The following GRID2 variants were observed in gnomAD, a reference collection of about 807,000 sequenced individuals.
GRID2 encodes glutamate ionotropic receptor delta type subunit 2.
A neutral mutation model predicts 114.8 loss-of-function variants in GRID2; 33 were observed. The observed-to-expected ratio is 0.29, with a 90% confidence interval of 0.22 to 0.38. The LOEUF is 0.38. Ranked by LOEUF, GRID2 falls within the 10% of genes least tolerant of loss-of-function variation. GRID2 has a pLI of 1.00. For missense variants in GRID2, 1,184 were observed against 1,257.7 expected, an observed-to-expected ratio of 0.94 and a Z score of 0.89; for synonymous variants, 505 against 449.9, an observed-to-expected ratio of 1.12 and a Z score of -1.55.
intron 8 of GRID2, among the ~76,000 whole-genome samples, chr4:93,313,581 C>T (rs573808576): frequency 1.0e-3 from 158 of 152,262 alleles, no homozygotes; most frequent in Non-Finnish European, 2.1e-3. Flanking sequence ...CAGAGACTTC[C>T]AACACATTAC....
chr4:92,618,905 T>C (rs1344754766), intron 2 of GRID2, among the ~76,000 whole-genome samples: 1 of 151,820 alleles, frequency 6.6e-6, no homozygotes, highest in Non-Finnish European at 1.5e-5. Flanking sequence ...TGAATTTGTT[T>C]AGCAGTTCTG....
intron 7 of GRID2, among the ~76,000 whole-genome samples, chr4:93,231,128 G>T (rs893083735): frequency 6.6e-6 from 1 of 151,946 alleles, no homozygotes; most frequent in African/African-American, 2.4e-5. Flanking sequence ...AAATCAATTT[G>T]CCCAGTGCAG....
At chr4:92,822,529 A>C (rs1433906040) in intron 2 of GRID2, 2 of 326,152 alleles carry the variant, frequency 6.1e-6, no homozygotes, top group African/African-American at 2.2e-5. Flanking sequence ...ACTCAGGGTT[A>C]TAACCATAAC....
At chr4:93,226,137 C>A (rs1745455183) in intron 7 of GRID2, among the ~76,000 whole-genome samples, 1 of 152,118 alleles carries the variant, frequency 6.6e-6, no homozygotes, top group African/African-American at 2.4e-5. Flanking sequence ...TCCTTTGACC[C>A]CCAATATTCA....
At chr4:92,895,974 C>T (rs909122126) in intron 2 of GRID2, among the ~76,000 whole-genome samples, 2 of 151,988 alleles carry the variant, frequency 1.3e-5, no homozygotes, top group East Asian at 3.9e-4. Context: ...ATTTACATAA[C>T]AGAAAAATGA....
In GRID2 at chr4:93,670,767, A is replaced by G. The variant is rs553811339; in HGVS notation, c.2360+44332A>G. Among the ~76,000 whole-genome samples the G allele has an allele frequency of 4.6e-5, 7 of 152,268 alleles. No homozygotes were observed. In the East Asian group the frequency reaches 5.8e-4, roughly 13 times the overall value. On this transcript the variant is annotated intron_variant, in intron 14 of 15. Coordinates refer to ENST00000282020, the MANE Select transcript of GRID2 (RefSeq NM_001510.4). ...TGTTAGTGACATGGTTGTTTTCCAC[A>G]TAGATTTATTTTAAAAAAGAACCCA...
chr4:92,382,758 T>C (rs1729682231), intron 1 of GRID2, among the ~76,000 whole-genome samples: 1 of 152,008 alleles, frequency 6.6e-6, no homozygotes, highest in African/African-American at 2.4e-5. Context: ...ATATTTTATG[T>C]GTAGAAAATA....
chr4:92,756,905 C>G (rs898055823), intron 2 of GRID2, among the ~76,000 whole-genome samples: 3 of 151,886 alleles, frequency 2.0e-5, no homozygotes, highest in African/African-American at 7.2e-5. Flanking sequence ...AACAGTTTGT[C>G]TCTTTATTAT....
chr4:92,994,863 A>AC (rs1755106305), intron 2 of GRID2, among the ~76,000 whole-genome samples: 1 of 152,198 alleles, frequency 6.6e-6, no homozygotes. Context: ...AACCTATGCT[A>AC]CAGTGTATGT....
At chr4:93,416,215 C>A (rs556441811) in intron 9 of GRID2, among the ~76,000 whole-genome samples, 1 of 151,874 alleles carries the variant, frequency 6.6e-6, no homozygotes, top group Non-Finnish European at 1.5e-5. Context: ...ATACCATTGG[C>A]CTTCCTAACT....
At chr4:92,315,886 C>T (rs562250803) in intron 1 of GRID2, among the ~76,000 whole-genome samples, 4 of 149,732 alleles carry the variant, frequency 2.7e-5, no homozygotes, top group East Asian at 4.0e-4. Flanking sequence ...AGGAGAATTG[C>T]TTGAACCCAG....
At chr4:93,144,829 A>G (rs1322734686) in intron 4 of GRID2, among the ~76,000 whole-genome samples, 1 of 152,172 alleles carries the variant, frequency 6.6e-6, no homozygotes, top group African/African-American at 2.4e-5. Flanking sequence ...GTCCAAAATG[A>G]TACATTTGCT....
At chr4:93,483,881 T>C (rs1207205373) in intron 11 of GRID2, among the ~76,000 whole-genome samples, 1 of 151,892 alleles carries the variant, frequency 6.6e-6, no homozygotes, top group Non-Finnish European at 1.5e-5. Context: ...CTCTGAAGTG[T>C]CATGAAGTAT....
intron 2 of GRID2, among the ~76,000 whole-genome samples, chr4:92,843,829 GA>G: frequency 6.6e-6 from 1 of 152,116 alleles, no homozygotes; most frequent in African/African-American, 2.4e-5. Context: ...TGTAGAATCT[GA>G]AATCATATCA....
At chr4:93,453,593 T>A (rs916480101) in intron 10 of GRID2, among the ~76,000 whole-genome samples, 1 of 152,138 alleles carries the variant, frequency 6.6e-6, no homozygotes, top group African/African-American at 2.4e-5. Flanking sequence ...TTATTCTATT[T>A]TAAAAATTCA....
At chr4:93,503,819 G>A (rs1301165445) in intron 12 of GRID2, among the ~76,000 whole-genome samples, 2 of 151,956 alleles carry the variant, frequency 1.3e-5, no homozygotes, top group Non-Finnish European at 2.9e-5. Context: ...AATAAACAAG[G>A]TGTGAGATAA....
At chr4:93,052,688 T>C (rs2149282646) in intron 2 of GRID2, among the ~76,000 whole-genome samples, 1 of 152,020 alleles carries the variant, frequency 6.6e-6, no homozygotes, top group Non-Finnish European at 1.5e-5. Context: ...TATATGGCAA[T>C]ATACAATGAC....
chr4:93,027,710 A>G lies in GRID2; in HGVS notation c.245-57285A>G, dbSNP rs1206631689. ...ACTTCAAATTTAAATTGAGATTTAG[A>G]TAACGATATATTTAAACATACATGT... On this transcript the variant is annotated intron_variant, in intron 2 of 15. Transcript: ENST00000282020. Among the ~76,000 whole-genome samples, 8 of 152,146 alleles carry G rather than the reference A, an allele frequency of 5.3e-5. No individual in the cohort carries two copies. In the East Asian group the frequency reaches 1.5e-3, roughly 29 times the overall value.
At chr4:92,317,910 C>T (rs1160423726) in intron 1 of GRID2, among the ~76,000 whole-genome samples, 1 of 152,070 alleles carries the variant, frequency 6.6e-6, no homozygotes, top group Non-Finnish European at 1.5e-5. Flanking sequence ...TTGCTTGCAT[C>T]ATATTTATGG....
Sources: allele counts gnomAD v4.1 joint callset (sites outside exome capture counted in the v4.1 genomes callset), GRCh38; gene constraint gnomAD v4.1.1; transcripts MANE v1.5; gene names NCBI Gene and HGNC (gene_info 2026-07-23, HGNC 2026-07-21).